Variants in CDH12 observed in about 807,000 individuals in gnomAD.
The protein encoded by CDH12 is cadherin-12.
A neutral mutation model predicts 74.1 loss-of-function variants in CDH12; 41 were observed. The observed-to-expected ratio is 0.55, with a 90% CI of 0.43 to 0.72. The LOEUF (loss-of-function observed/expected upper bound fraction) is 0.72, where lower values mean the gene tolerates loss of function less well. CDH12 is among the 30% of genes least tolerant of loss of function. The pLI, the probability that CDH12 is intolerant of heterozygous loss-of-function variation, is 0.00. For missense variants in CDH12, 945 were observed against 977.2 expected (o/e 0.97, Z 0.44); for synonymous variants, 399 against 355.0 (o/e 1.12, Z -1.39).
At chr5:22,327,398 G>A (rs1013805866) in intron 3 of CDH12, among the ~76,000 whole-genome samples, 1 of 151,292 alleles carries the variant, frequency 6.6e-6, no homozygotes, top group African/African-American at 2.4e-5. Context: ...TACCATGAGA[G>A]CCACTGACCG....
chr5:22,193,834 A>G (rs867269929), intron 4 of CDH12, among the ~76,000 whole-genome samples: 3 of 152,202 alleles, frequency 2.0e-5, no homozygotes, highest in African/African-American at 7.2e-5. Context: ...GCTCAGTACA[A>G]CATACTAGCT....
intron 4 of CDH12, chr5:22,143,218 T>A (rs1746917813): frequency 6.5e-6 from 1 of 152,824 alleles, no homozygotes; most frequent in Non-Finnish European, 1.5e-5. Context: ...AAATTAAGCA[T>A]GTCTTTGGTG....
intron 6 of CDH12, among the ~76,000 whole-genome samples, chr5:21,871,607 C>A (rs1198898042): frequency 6.6e-6 from 1 of 152,080 alleles, no homozygotes; most frequent in Non-Finnish European, 1.5e-5. Context: ...GTGGCACACG[C>A]CTGTAATCCC....
intron 3 of CDH12, among the ~76,000 whole-genome samples, chr5:22,224,111 C>T (rs150023613): frequency 1.1e-4 from 16 of 152,000 alleles, no homozygotes; most frequent in East Asian, 7.8e-4. Flanking sequence ...GGCAACTTTC[C>T]GTAAATTAAG....
chr5:22,679,201 T>C (rs1233092217), intron 1 of CDH12, among the ~76,000 whole-genome samples: 1 of 152,150 alleles, frequency 6.6e-6, no homozygotes, highest in Non-Finnish European at 1.5e-5. Context: ...AACTTCCAGG[T>C]ATAATTTTAG....
intron 3 of CDH12, among the ~76,000 whole-genome samples, chr5:22,350,894 G>T (rs986079211): frequency 1.3e-5 from 2 of 152,190 alleles, no homozygotes; most frequent in Admixed American, 6.5e-5. Context: ...TTCACATCTA[G>T]CAGAGGAGTA....
intron 1 of CDH12, among the ~76,000 whole-genome samples, chr5:22,711,111 G>C (rs534091282): frequency 1.6e-4 from 24 of 151,846 alleles, no homozygotes; most frequent in Middle Eastern, 3.4e-3. Context: ...TTGTAAAATT[G>C]GGAAAATCTA....
At chr5:22,589,245 C>T (rs1740560192) in intron 1 of CDH12, among the ~76,000 whole-genome samples, 1 of 152,164 alleles carries the variant, frequency 6.6e-6, no homozygotes, top group African/African-American at 2.4e-5. Context: ...ACTGCTGGCC[C>T]TTCAGCCTGT....
chr5:22,291,939 C>G (rs1273881705), intron 3 of CDH12, among the ~76,000 whole-genome samples: 1 of 152,078 alleles, frequency 6.6e-6, no homozygotes, highest in African/African-American at 2.4e-5. Flanking sequence ...ATTATACCAC[C>G]TGACTTCAAA....
chr5:22,462,176 T>C (rs944694692), intron 2 of CDH12, among the ~76,000 whole-genome samples: 2 of 152,072 alleles, frequency 1.3e-5, no homozygotes, highest in African/African-American at 4.8e-5. Flanking sequence ...GCAATAAGTC[T>C]GACAAATAAT....
intron 1 of CDH12, among the ~76,000 whole-genome samples, chr5:22,549,394 T>C (rs1321996709): frequency 6.6e-6 from 1 of 152,148 alleles, no homozygotes; most frequent in Non-Finnish European, 1.5e-5. Flanking sequence ...AATAAAAAGT[T>C]TACTTTCTTA....
chr5:22,735,343 GA>G (rs1744631202), intron 1 of CDH12, among the ~76,000 whole-genome samples: 1 of 151,828 alleles, frequency 6.6e-6, no homozygotes, highest in Non-Finnish European at 1.5e-5. Context: ...TTACCCTTCA[GA>G]AGGTCTTACT....
At chr5:22,755,025 C>A (rs1196208657) in intron 1 of CDH12, among the ~76,000 whole-genome samples, 1 of 152,056 alleles carries the variant, frequency 6.6e-6, no homozygotes, top group South Asian at 2.1e-4. Flanking sequence ...GTAATTGATG[C>A]CTTTGTTTTC....
chr5:22,326,381 A>T (rs7714337), intron 3 of CDH12, among the ~76,000 whole-genome samples: 1 of 151,290 alleles, frequency 6.6e-6, no homozygotes, highest in African/African-American at 2.4e-5. Context: ...GACTACAGGC[A>T]CCCGCAACCA....
intron 4 of CDH12, among the ~76,000 whole-genome samples, chr5:22,161,052 A>G (rs1224925341): frequency 6.6e-6 from 1 of 152,242 alleles, no homozygotes; most frequent in Middle Eastern, 3.4e-3. Context: ...AGGCTCTGTG[A>G]CCTTGCCCAA....
intron 6 of CDH12, among the ~76,000 whole-genome samples, chr5:21,961,851 A>G (rs1273241522): frequency 1.3e-5 from 2 of 152,044 alleles, no homozygotes; most frequent in Non-Finnish European, 2.9e-5. Context: ...TTGTTATATA[A>G]CCCTAGGAAA....
chr5:22,441,355 G>C (rs2126541780), intron 2 of CDH12, among the ~76,000 whole-genome samples: 1 of 152,202 alleles, frequency 6.6e-6, no homozygotes, highest in Middle Eastern at 3.4e-3. Context: ...TGTTCCAGAG[G>C]GTAGCTTGCA....
intron 1 of CDH12, among the ~76,000 whole-genome samples, chr5:22,514,850 A>T (rs906953707): frequency 1.3e-5 from 2 of 152,174 alleles, no homozygotes; most frequent in Admixed American, 1.3e-4. Context: ...GATAAGAAGA[A>T]CAAGAAATAA....
At chr5:21,942,184 C>T (rs1370813540) in intron 6 of CDH12, among the ~76,000 whole-genome samples, 2 of 151,940 alleles carry the variant, frequency 1.3e-5, no homozygotes, top group East Asian at 3.9e-4. Context: ...GCCAAGAATC[C>T]AAGCAGCCTC....
Sources: gnomAD v4.1 joint callset for allele counts (sites outside exome capture counted in the v4.1 genomes callset) on GRCh38, gnomAD v4.1.1 for gene constraint, MANE v1.5 for transcripts, NCBI Gene and HGNC (gene_info 2026-07-23, HGNC 2026-07-21) for gene names.